Variants in HDAC9 observed in about 807,000 individuals in gnomAD.
HDAC9 encodes the protein histone deacetylase 9.
HDAC9 carries 41 observed loss-of-function variants against 139.4 expected under a neutral mutation model. The ratio of observed to expected loss-of-function variants is 0.29; its 90% CI spans 0.23 to 0.38. HDAC9 has a LOEUF of 0.38. HDAC9 is among the 10% of genes least tolerant of loss of function. HDAC9 has a pLI of 1.00. For synonymous variants in HDAC9, 517 were observed against 476.2 expected (o/e 1.09, Z -1.12); for missense variants, 1,147 against 1,297.0 (o/e 0.88, Z 1.78).
At chr7:18,579,668 C>T (rs1022480693) in intron 2 of HDAC9, among the ~76,000 whole-genome samples, 2 of 152,162 alleles carry the variant, frequency 1.3e-5, no homozygotes, top group African/African-American at 4.8e-5. Flanking sequence ...GTTGTGGCCT[C>T]TGTAATTATG....
intron 1 of HDAC9, among the ~76,000 whole-genome samples, chr7:18,395,428 G>A (rs1476103585): frequency 2.0e-5 from 3 of 151,642 alleles, no homozygotes; most frequent in Admixed American, 2.0e-4. Context: ...ATTAATGCAT[G>A]TATGGGACTA....
intron 12 of HDAC9, among the ~76,000 whole-genome samples, chr7:18,701,869 A>C (rs921672717): frequency 6.6e-6 from 1 of 152,212 alleles, no homozygotes; most frequent in African/African-American, 2.4e-5. Context: ...ACTTGGATTA[A>C]AATTCTTGCT....
intron 1 of HDAC9, among the ~76,000 whole-genome samples, chr7:18,443,815 CAT>C (rs532694081): frequency 4.0e-5 from 6 of 150,592 alleles, no homozygotes; most frequent in South Asian, 2.1e-4. Flanking sequence ...TATATATATA[CAT>C]ATATATATAC....
At chr7:18,492,476 T>C (rs1412577082), upstream of HDAC9, among the ~76,000 whole-genome samples, 1 of 151,994 alleles carries the variant, frequency 6.6e-6, no homozygotes, top group Non-Finnish European at 1.5e-5. Flanking sequence ...CCCACTTTCA[T>C]TTACTATTAA....
chr7:18,320,535 G>C (rs1326121219), intron 1 of HDAC9, among the ~76,000 whole-genome samples: 1 of 152,132 alleles, frequency 6.6e-6, no homozygotes, highest in South Asian at 2.1e-4. Context: ...GAGGACTCTT[G>C]AATTTGGCAA....
chr7:18,765,115 A>T (rs1266351511), intron 15 of HDAC9, among the ~76,000 whole-genome samples: 6 of 152,200 alleles, frequency 3.9e-5, no homozygotes, highest in Non-Finnish European at 5.9e-5. Context: ...TTGATAAGAC[A>T]ACATAATTAA....
At chr7:18,900,926 C>T (rs1319907839) in intron 22 of HDAC9, among the ~76,000 whole-genome samples, 1 of 152,012 alleles carries the variant, frequency 6.6e-6, no homozygotes, top group African/African-American at 2.4e-5. Context: ...ATTAAATATA[C>T]TTGGGAAGAA....
chr7:18,583,033 C>T (rs1828305080), intron 2 of HDAC9, among the ~76,000 whole-genome samples: 1 of 151,920 alleles, frequency 6.6e-6, no homozygotes, highest in African/African-American at 2.4e-5. Flanking sequence ...TCAGTTGTTG[C>T]ATTCTTTTAT....
chr7:18,793,554 G>C (rs1023351488), intron 17 of HDAC9, 102 bp downstream of exon 17: 3 of 776,490 alleles, frequency 3.9e-6, no homozygotes, highest in African/African-American at 3.4e-5. Context: ...GTAATAAAAG[G>C]AAGGGCAGAA....
chr7:18,702,947 T>C (rs1584875669), intron 12 of HDAC9, among the ~76,000 whole-genome samples: 1 of 152,222 alleles, frequency 6.6e-6, no homozygotes, highest in Non-Finnish European at 1.5e-5. Context: ...CTACACTGTT[T>C]CCATTTGAAT....
At chr7:18,752,511 T>A (rs1182464195) in intron 14 of HDAC9, among the ~76,000 whole-genome samples, 1 of 152,106 alleles carries the variant, frequency 6.6e-6, no homozygotes, top group Admixed American at 6.6e-5. Flanking sequence ...AAGTTAAACT[T>A]TTGTTCCTTT....
At chr7:18,431,703 C>CTAATA (rs1585853051) in intron 1 of HDAC9, among the ~76,000 whole-genome samples, 2 of 152,130 alleles carry the variant, frequency 1.3e-5, no homozygotes, top group East Asian at 1.9e-4. Context: ...TAAATACATA[C>CTAATA]TGGATTGATG....
rs759457913 is a variant in HDAC9 at position 18,954,248 on chromosome 7, T to C, written c.3022+18T>C. 12 of 1,333,524 alleles carry C rather than the reference T, an allele frequency of 9.0e-6. No homozygotes were observed. Among genetic ancestry groups the C allele is most frequent in the Non-Finnish European group, 1.3e-5 (12 of 951,394 alleles). 82.6% of individuals were successfully genotyped at this position (1,333,524 alleles called of 1,614,324 possible). On this transcript the variant is annotated intron_variant, in intron 24 of 25. Transcript: ENST00000686413. Reference sequence around the variant, plus strand: ...AATTCAAAGTATGTCTTTAAAGTTCTCTTAAAAATTCTAAGCAGGTAAAAC... The same window carrying C: ...AATTCAAAGTATGTCTTTAAAGTTCCCTTAAAAATTCTAAGCAGGTAAAAC...
intron 1 of HDAC9, among the ~76,000 whole-genome samples, chr7:18,484,551 C>T (rs912392023): frequency 1.3e-5 from 2 of 152,194 alleles, no homozygotes; most frequent in African/African-American, 4.8e-5. Context: ...TGTTTTCTCC[C>T]TAGCTTTTGA....
intron 2 of HDAC9, among the ~76,000 whole-genome samples, chr7:18,522,946 T>G (rs112498973): frequency 7.5e-4 from 114 of 152,334 alleles, no homozygotes; most frequent in African/African-American, 2.5e-3. Flanking sequence ...ATGTAGTGTC[T>G]TGCTTCCAAG....
intron 13 of HDAC9, 125 bp from the exon 14 acceptor site, chr7:18,748,880 T>C: frequency 1.1e-6 from 1 of 927,196 alleles, no homozygotes; most frequent in Non-Finnish European, 1.6e-6. Context: ...CTTTGTGATA[T>C]TTCCTCCTTT....
chr7:18,585,642 C>A, intron 3 of HDAC9, 120 bp downstream of exon 3: 1 of 1,257,974 alleles, frequency 7.9e-7, no homozygotes, highest in Non-Finnish European at 1.1e-6. Flanking sequence ...GGATATATGG[C>A]TTGAAGGGAA....
chr7:18,836,841 A>C (rs758781936), intron 21 of HDAC9, among the ~76,000 whole-genome samples: 9 of 151,356 alleles, frequency 5.9e-5, no homozygotes, highest in Non-Finnish European at 1.3e-4. Flanking sequence ...GTAATGCATA[A>C]TTTCTCGAAT....
chr7:18,386,105 G>A (rs1298649301), intron 1 of HDAC9, among the ~76,000 whole-genome samples: 1 of 151,916 alleles, frequency 6.6e-6, no homozygotes, highest in African/African-American at 2.4e-5. Context: ...TTTCTCTCTG[G>A]TGAAAGCCAT....
Sources: allele counts gnomAD v4.1 joint callset (sites outside exome capture counted in the v4.1 genomes callset), GRCh38; gene constraint gnomAD v4.1.1; transcripts MANE v1.5; gene names NCBI Gene and HGNC (gene_info 2026-07-23, HGNC 2026-07-21).